Variants in ECE1 observed in about 807,000 individuals in gnomAD.
ECE1 encodes the protein endothelin converting enzyme 1.
A neutral mutation model predicts 98.6 loss-of-function variants in ECE1; 35 were observed. That is an observed-to-expected ratio of 0.35 (90% confidence interval 0.27 to 0.47). ECE1 has a LOEUF of 0.47. Among genes scored for constraint, ECE1 ranks in the 20% least tolerant of loss-of-function variants. The pLI, the probability that ECE1 is intolerant of heterozygous loss-of-function variation, is 1.00. For missense variants in ECE1, 814 were observed against 1,025.3 expected, an observed-to-expected ratio of 0.79 and a Z score of 2.81; for synonymous variants, 394 against 407.1, an observed-to-expected ratio of 0.97 and a Z score of 0.39.
At chr1:21,238,764 T>C (rs1182367822) in intron 10 of ECE1, among the ~76,000 whole-genome samples, 10 of 152,180 alleles carry the variant, frequency 6.6e-5, no homozygotes, top group African/African-American at 1.9e-4. Context: ...TCCAATGCCA[T>C]TGAAGATCTC....
intron 2 of ECE1, among the ~76,000 whole-genome samples, chr1:21,289,053 G>C (rs2098263613): frequency 6.6e-6 from 1 of 152,184 alleles, no homozygotes; most frequent in African/African-American, 2.4e-5. Context: ...CCGCTTCTAA[G>C]AGGCGTATCT....
At chr1:21,305,846 T>C (rs893717956) in intron 1 of ECE1, among the ~76,000 whole-genome samples, 5 of 152,192 alleles carry the variant, frequency 3.3e-5, no homozygotes, top group African/African-American at 1.2e-4. Flanking sequence ...CAAATACCGC[T>C]GTGGTCATGG....
chr1:21,220,163 C>T lies in ECE1; in HGVS notation c.2137-32G>A. The T allele has an allele frequency of 6.3e-7, 1 of 1,589,706 alleles. No homozygotes were observed. The highest frequency in any genetic ancestry group is 1.1e-5 in the South Asian group (1 of 87,898). ...AGGGGCAACAGGGAGAGGCCAGGGT[C>T]ACTGTGGGGCCCTCGGGCTGCCAGA... is the stretch of plus-strand genomic sequence containing the variant. On this transcript the variant is annotated intron_variant, in intron 18 of 18. Coordinates refer to ENST00000374893, the MANE Select transcript of ECE1 (RefSeq NM_001397.3). This position sits in a 1 kb window ranked among gnomAD's most constrained non-coding sequence, Gnocchi z 5.0.
Position 21,260,448 on chromosome 1 carries a change from T to C in ECE1, c.494-56A>G. 6.2e-7 allele frequency: 1 copy of C among 1,608,026 alleles called. No individual in the cohort carries two copies. The highest frequency in any genetic ancestry group is 1.3e-5 in the African/African-American group (1 of 74,932). ...CGGCCCCACTTGCCCACTGGGTGGC[T>C]TTGGGGCAGTCCCTCTTTTCGGAGC... On this transcript the variant is annotated intron_variant, in intron 4 of 18. Coordinates refer to ENST00000374893, the MANE Select transcript of ECE1 (RefSeq NM_001397.3). This position sits in a 1 kb window ranked among gnomAD's most constrained non-coding sequence, Gnocchi z 4.3.
intron 1 of ECE1, among the ~76,000 whole-genome samples, chr1:21,332,713 AGGGGAGGGGAGGGGAGGGGAGGGGAG>A (rs1639225024): frequency 2.4e-3 from 3 of 1,238 alleles, no homozygotes; most frequent in Admixed American, 8.8e-3. Context: ...GAGGTGAGGG[AGGGGAGGGGAGGGGAGGGGAGGGGAG>A]GGGAGGGGAG....
chr1:21,261,412 G>C (rs1392610621), intron 4 of ECE1, among the ~76,000 whole-genome samples: 1 of 152,052 alleles, frequency 6.6e-6, no homozygotes, highest in Non-Finnish European at 1.5e-5. Context: ...CTCTATGCTA[G>C]GCCCTGTGTA....
At chr1:21,275,625 T>C (rs1003719244) in intron 3 of ECE1, among the ~76,000 whole-genome samples, 3 of 152,288 alleles carry the variant, frequency 2.0e-5, no homozygotes, top group African/African-American at 7.2e-5. Flanking sequence ...TCTCAGAAAT[T>C]TGAGTTCTTC....
At chr1:21,237,131 A>G (rs994555675) in intron 11 of ECE1, among the ~76,000 whole-genome samples, 5 of 152,162 alleles carry the variant, frequency 3.3e-5, no homozygotes, top group African/African-American at 1.2e-4. Context: ...AGAGCCTTTA[A>G]TATGGTAATA....
chr1:21,238,147 T>C lies in ECE1; in HGVS notation c.1376A>G (p.Asp459Gly). The change falls in exon 11 of 19, where the codon GAC becomes GGC. Residue 459 changes from aspartate (D) to glycine (G), a missense_variant. This residue lies in a region of ECE1 where 452 missense variants were observed against 567.3 expected (regional missense o/e 0.80). Transcript: ENST00000374893. ...PMFVKATFAE[D>G]SKSIATEIIL... ...GAAGGCACTTACTATGCTCTTGCTG[T>C]CCTCGGCGAAGGTTGCTTTGACAAA... is the stretch of plus-strand genomic sequence containing the variant. The C allele has an allele frequency of 2.5e-6, 4 of 1,614,246 alleles. No homozygotes were observed. Among genetic ancestry groups the C allele is most frequent in the Non-Finnish European group, 3.4e-6 (4 of 1,180,036 alleles).
At chr1:21,303,388 C>G (rs1638527942) in intron 1 of ECE1, among the ~76,000 whole-genome samples, 1 of 152,230 alleles carries the variant, frequency 6.6e-6, no homozygotes, top group South Asian at 2.1e-4. Flanking sequence ...AGCACTCACT[C>G]CATAACCTTG....
At chr1:21,247,675 T>G (rs1247477106) in intron 8 of ECE1, among the ~76,000 whole-genome samples, 1 of 152,184 alleles carries the variant, frequency 6.6e-6, no homozygotes, top group Non-Finnish European at 1.5e-5. Context: ...TTGATGCATA[T>G]GATTCCACCT....
intron 1 of ECE1, among the ~76,000 whole-genome samples, chr1:21,296,558 A>G (rs868200918): frequency 6.6e-6 from 1 of 151,952 alleles, no homozygotes; most frequent in African/African-American, 2.4e-5. Context: ...AAAGTAAAAC[A>G]AAACAAAACA....
intron 3 of ECE1, among the ~76,000 whole-genome samples, chr1:21,273,165 TCTC>T (rs2098242342): frequency 6.6e-6 from 1 of 152,238 alleles, no homozygotes; most frequent in Admixed American, 6.5e-5. Flanking sequence ...TAATCAACCT[TCTC>T]CTCCATAAAT....
upstream of ECE1, chr1:21,290,509 G>A (rs1257268555): frequency 1.8e-5 from 22 of 1,209,776 alleles, no homozygotes; most frequent in Non-Finnish European, 2.3e-5. This position sits in a 1 kb window ranked among gnomAD's most constrained non-coding sequence, Gnocchi z 7.3. Flanking sequence ...GGGCCTGATC[G>A]GTTCGCCGGC....
At chr1:21,283,587 C>T (rs888058682) in intron 2 of ECE1, among the ~76,000 whole-genome samples, 1 of 152,010 alleles carries the variant, frequency 6.6e-6, no homozygotes, top group Non-Finnish European at 1.5e-5. Flanking sequence ...CACAACATTC[C>T]TAAGAGTAGG....
intron 12 of ECE1, 92 bp from the exon 13 acceptor site, chr1:21,236,019 G>A (rs1412034332): frequency 3.2e-5 from 40 of 1,241,392 alleles, no homozygotes; most frequent in Non-Finnish European, 4.6e-5. Context: ...TCTGGGCCAA[G>A]GGGAACCAGA....
At position 21,218,571 on chromosome 1, in the gene ECE1, G is replaced by A. The variant is rs28368055; in HGVS notation, c.*1384C>T. ...CTCAGAGAGAGGATTTGGGTCCTGC[G>A]GGAGGTGACAGCTGTTTCTCTTTTC... On this transcript the variant is annotated 3_prime_UTR_variant, in exon 19 of 19. Transcript: ENST00000374893. This position sits in a 1 kb window ranked among gnomAD's most constrained non-coding sequence, Gnocchi z 4.0. The A allele has an allele frequency of 0.013, 2,041 of 152,562 alleles. 50 individuals are homozygous for A. Among genetic ancestry groups the A allele is most frequent in the African/African-American group, 0.042 (1,741 of 41,528 alleles). 9.5% of individuals were successfully genotyped at this position (152,562 alleles called of 1,614,324 possible). A position where few individuals can be genotyped will look rare whatever the true frequency, so the allele number is the denominator to read the frequency against.
intron 1 of ECE1, among the ~76,000 whole-genome samples, chr1:21,306,704 T>G (rs1359251696): frequency 6.6e-6 from 1 of 152,188 alleles, no homozygotes. Context: ...CATCCAGCTC[T>G]AAGGCATTTG....
At chr1:21,311,167 T>C (rs1638714803) in intron 1 of ECE1, among the ~76,000 whole-genome samples, 1 of 151,968 alleles carries the variant, frequency 6.6e-6, no homozygotes, top group African/African-American at 2.4e-5. Context: ...GTTTTCAGAG[T>C]GGGGCTCCCT....
Sources: gnomAD v4.1 joint callset for allele counts (sites outside exome capture counted in the v4.1 genomes callset) on GRCh38, gnomAD v4.1.1 for gene constraint, gnomAD v4.1.1 regional missense constraint, Gnocchi (gnomAD v3.1) non-coding constraint, MANE v1.5 for transcripts, NCBI Gene and HGNC (gene_info 2026-07-23, HGNC 2026-07-21) for gene names.